The following PITPNM1 variants were observed in gnomAD, a reference collection of about 807,000 sequenced individuals.
The protein encoded by PITPNM1 is membrane-associated phosphatidylinositol transfer protein 1.
Under a neutral mutation model 133.3 loss-of-function variants are expected in PITPNM1, and 74 were observed. That is an observed-to-expected ratio of 0.56 (90% CI 0.46 to 0.67). PITPNM1 has a LOEUF of 0.67. Ranked by LOEUF, PITPNM1 falls within the 30% of genes least tolerant of loss-of-function variation. PITPNM1 has a pLI of 0.00. For missense variants in PITPNM1, 1,398 were observed against 1,739.5 expected (o/e 0.80, Z 3.49); for synonymous variants, 738 against 741.4 (o/e 1.00, Z 0.08).
In PITPNM1 at chr11:67,494,836, G is replaced by A. The variant is rs746724094; in HGVS notation, c.2742+10C>T. The A allele has an allele frequency of 2.4e-5, 39 of 1,601,662 alleles. No homozygotes were observed. The highest frequency in any genetic ancestry group is 3.2e-5 in the Non-Finnish European group (38 of 1,170,386). On this transcript the variant is annotated intron_variant, in intron 18 of 23. Transcript: ENST00000356404. ...CGAGTGGGCGAGGGGGCGAGGGGCA[G>A]GGCACCTACCCGGATCTTGACCTGC...
chr11:67,502,824 C>T lies in PITPNM1; in HGVS notation c.79-106G>A. ...ACAGCTCTGGGGCCCTGGTCCCAGC[C>T]TTTTCAACTCCCTGAAACCAGACCC... On this transcript the variant is annotated intron_variant, in intron 2 of 23. Transcript: ENST00000356404. This position sits in a 1 kb window ranked among gnomAD's most constrained non-coding sequence, Gnocchi z 5.9. The T allele has an allele frequency of 1.8e-6, 2 of 1,107,718 alleles. No individual in the cohort carries two copies. The highest frequency in any genetic ancestry group is 2.6e-6 in the Non-Finnish European group (2 of 768,214). The allele number at this position is 1,107,718 out of a possible 1,614,324, so 68.6% of individuals were successfully genotyped here. A position where few individuals can be genotyped will look rare whatever the true frequency, so the allele number is the denominator to read the frequency against.
chr11:67,493,696 G>A lies in PITPNM1; in HGVS notation c.3150C>T (p.Asp1050=), dbSNP rs371794559. 1.9e-6 allele frequency: 3 copies of A among 1,546,430 alleles called. No homozygotes were observed. The highest frequency in any genetic ancestry group is 2.6e-6 in the Non-Finnish European group (3 of 1,146,896). Reference sequence around the variant, plus strand: ...GCAGTGGCAACTCCTACCTGACCACGTCCACGGCGCCAGCTCGCACCTTGG... The same window carrying A: ...GCAGTGGCAACTCCTACCTGACCACATCCACGGCGCCAGCTCGCACCTTGG... ...SDPKVRAGAV[D]VVRHWQDSGY... is the part of the protein sequence containing the mutation. The change falls in exon 21 of 24, where the codon GAC becomes GAT. Residue 1050 remains aspartate, a synonymous_variant. Coordinates refer to ENST00000356404, the MANE Select transcript of PITPNM1 (RefSeq NM_004910.3).
chr11:67,501,300 C>A (rs1386254042), intron 5 of PITPNM1, among the ~76,000 whole-genome samples: 1 of 152,220 alleles, frequency 6.6e-6, no homozygotes, highest in African/African-American at 2.4e-5. Context: ...AGTAGTGGGA[C>A]AGAAGCCAGG....
At position 67,494,958 on chromosome 11, in the gene PITPNM1, T is replaced by C. The variant is rs1283535919; in HGVS notation, c.2632-2A>G. ...CTGTGGCCGCTCCTTCTCGATCACC[T>C]GCACGGGACAGGGGGCGAGGCCTCT... On this transcript the variant is annotated splice_acceptor_variant, in intron 17 of 23. Transcript: ENST00000356404. LOFTEE classifies it high-confidence loss of function. The C allele has an allele frequency of 4.3e-6, 7 of 1,612,020 alleles. No individual in the cohort carries two copies. Among genetic ancestry groups the C allele is most frequent in the Non-Finnish European group, 5.1e-6 (6 of 1,179,510 alleles).
rs755279881 is a variant in PITPNM1 at position 67,495,469 on chromosome 11, G to T, written c.2451C>A (p.Ala817=). The T allele has an allele frequency of 6.5e-7, 1 of 1,548,016 alleles. No individual in the cohort carries two copies. ...CCACCTCACTGGTGGTGCTGGGGGC[G>T]GCTGGCTGGGCCGGGGGGTCAGTGG... is the stretch of plus-strand genomic sequence containing the variant. ...ELATDPPAQP[A]APSTTSEVVK... is the part of the protein sequence containing the mutation. Residue 817 remains alanine, a synonymous_variant, in exon 16 of 24, where the codon GCC becomes GCA. Transcript: ENST00000356404.
chr11:67,499,110 A>G (rs1866230977), intron 8 of PITPNM1, 109 bp from the exon 9 acceptor site: 1 of 1,072,448 alleles, frequency 9.3e-7, no homozygotes, highest in Non-Finnish European at 1.3e-6. Context: ...CCCAGTCCCT[A>G]CCTTCCTCCA....
chr11:67,503,310 T>C (rs1026876242), intron 2 of PITPNM1, among the ~76,000 whole-genome samples: 1 of 152,150 alleles, frequency 6.6e-6, no homozygotes, highest in East Asian at 1.9e-4. Flanking sequence ...CTGGATGTGC[T>C]GGCAGGTGGC....
At position 67,504,041 on chromosome 11, in the gene PITPNM1, G is replaced by A; in HGVS notation, c.78+62C>T. 1 of 1,349,584 alleles carries A rather than the reference G, an allele frequency of 7.4e-7. No individual in the cohort carries two copies. Among genetic ancestry groups the A allele is most frequent in the Non-Finnish European group, 1.0e-6 (1 of 982,606 alleles). 83.6% of individuals were successfully genotyped at this position (1,349,584 alleles called of 1,614,324 possible). A position where few individuals can be genotyped will look rare whatever the true frequency, so the allele number is the denominator to read the frequency against. On this transcript the variant is annotated intron_variant, in intron 2 of 23. Coordinates refer to ENST00000356404, the MANE Select transcript of PITPNM1 (RefSeq NM_004910.3). The surrounding 1 kb of genome is among the most constrained non-coding windows in gnomAD (Gnocchi z 5.4). ...CCCAGCCGGTCCCAGCCCCGGGGCA[G>A]GGCTGGCGGGGTCGGCAGGGCTCCA...
At chr11:67,497,816 G>C in intron 12 of PITPNM1, 101 bp downstream of exon 12, 1 of 1,439,228 alleles carries the variant, frequency 6.9e-7, no homozygotes, top group Non-Finnish European at 9.6e-7. Flanking sequence ...GGGCAGCAGG[G>C]GGCCTGCCTG....
rs201959831 is a variant in PITPNM1 at position 67,500,226 on chromosome 11, C to T, written c.836G>A (p.Arg279Gln). 3.1e-5 allele frequency: 50 copies of T among 1,604,432 alleles called. No homozygotes were observed. The East Asian group carries it at 3.1e-4, about 10-fold the overall frequency. ...QPPGKPSTEA[R>Q]SAASNTGTPD... ...GGTGCCAGTGTTGCTGGCCGCAGAC[C>T]GGGCCTCGGTGCTCGGTTTCCCGGG... is the stretch of plus-strand genomic sequence containing the variant. Residue 279 changes from arginine to glutamine, a missense_variant, in exon 6 of 24, where the codon CGG (arginine) becomes CAG (glutamine). Physicochemically the swap from Arg to Gln is conservative, Grantham distance 43. Around this residue, in one of 5 missense-constraint regions of PITPNM1, gnomAD observed 195 missense variants for 178.8 expected, o/e 1.09. Coordinates refer to ENST00000356404, the MANE Select transcript of PITPNM1 (RefSeq NM_004910.3).
Position 67,499,900 on chromosome 11 carries a change from G to A in PITPNM1, c.1063+14C>T, listed in dbSNP as rs2134313060. The A allele has an allele frequency of 6.2e-7, 1 of 1,607,294 alleles. No homozygotes were observed. The highest frequency in any genetic ancestry group is 2.2e-5 in the East Asian group (1 of 44,600). ...GGGGACATCCCCACTCCCAAAAAGGGCCTCAGTGCTGACCGTGGGCATCAA... is the reference window on the plus strand; with the variant it reads ...GGGGACATCCCCACTCCCAAAAAGGACCTCAGTGCTGACCGTGGGCATCAA... On this transcript the variant is annotated intron_variant, in intron 7 of 23. Coordinates refer to ENST00000356404, the MANE Select transcript of PITPNM1 (RefSeq NM_004910.3).
intron 16 of PITPNM1, 35 bp downstream of exon 16, chr11:67,495,403 C>T: frequency 1.4e-6 from 2 of 1,467,218 alleles, no homozygotes; most frequent in Non-Finnish European, 1.8e-6. Flanking sequence ...GCCTCCCCCA[C>T]CCCCAGGCTG....
rs1243649729 is a variant in PITPNM1 at position 67,498,499 on chromosome 11, G to A, written c.1484+97C>T. Reference sequence around the variant, plus strand: ...AACAGGTCCAGCCATGCCAGTGACCGACCCAGGTGTCTGGCTTCCTGACCC... The same window carrying A: ...AACAGGTCCAGCCATGCCAGTGACCAACCCAGGTGTCTGGCTTCCTGACCC... On this transcript the variant is annotated intron_variant, in intron 10 of 23. Coordinates refer to ENST00000356404, the MANE Select transcript of PITPNM1 (RefSeq NM_004910.3). This position sits in a 1 kb window ranked among gnomAD's most constrained non-coding sequence, Gnocchi z 5.7. The A allele has an allele frequency of 4.0e-6, 6 of 1,516,284 alleles. No individual in the cohort carries two copies. The highest frequency in any genetic ancestry group is 2.4e-4 in the Middle Eastern group (1 of 4,170). 93.9% of individuals were successfully genotyped at this position (1,516,284 alleles called of 1,614,324 possible). A position where few individuals can be genotyped will look rare whatever the true frequency, so the allele number is the denominator to read the frequency against.
intron 23 of PITPNM1, 142 bp from the exon 24 acceptor site, chr11:67,492,438 G>A (rs1313638798): frequency 1.2e-6 from 1 of 833,580 alleles, no homozygotes; most frequent in Non-Finnish European, 1.8e-6. Flanking sequence ...CTTCTCAATA[G>A]ATAGGACCCC....
Position 67,493,725 on chromosome 11 carries a change from C to T in PITPNM1, c.3121G>A (p.Asp1041Asn). 3 of 1,547,806 alleles carry T rather than the reference C, an allele frequency of 1.9e-6. No homozygotes were observed. The highest frequency in any genetic ancestry group is 1.7e-6 in the Non-Finnish European group (2 of 1,147,074). ...ACGGCGCCAGCTCGCACCTTGGGGT[C>T]GCTGCCCATGATGGAGACGCTGGCG... ...FTASVSIMGSDPKVRAGAVDV... is the reference protein window; with the variant it reads ...FTASVSIMGSNPKVRAGAVDV... Residue 1041 changes from aspartate to asparagine, a missense_variant, in exon 21 of 24, where the codon GAC becomes AAC. Coordinates refer to ENST00000356404, the MANE Select transcript of PITPNM1 (RefSeq NM_004910.3).
In PITPNM1 at chr11:67,500,123, G is replaced by T; in HGVS notation, c.939C>A (p.Ser313=). The T allele has an allele frequency of 6.3e-7, 1 of 1,592,334 alleles. No homozygotes were observed. ...ASFGKQWSSS[S]RSSYSSQHGG... ...CATGTTGGGATGAGTAGGAGGAACG[G>T]GAGGATGAGGACCACTGCTTCCCAA... Residue 313 remains serine, a synonymous_variant, in exon 6 of 24, where the codon TCC becomes TCA. Coordinates refer to ENST00000356404, the MANE Select transcript of PITPNM1 (RefSeq NM_004910.3).
chr11:67,492,955 C>T lies in PITPNM1; in HGVS notation c.3450G>A (p.Arg1150=). The T allele has an allele frequency of 6.2e-7, 1 of 1,612,876 alleles. No individual in the cohort carries two copies. The highest frequency in any genetic ancestry group is 1.1e-5 in the South Asian group (1 of 91,080). Residue 1150 remains arginine (R), a synonymous_variant, in exon 23 of 24, where the codon CGG becomes CGA. Coordinates refer to ENST00000356404, the MANE Select transcript of PITPNM1 (RefSeq NM_004910.3). Reference sequence around the variant, plus strand: ...TCACCTGGCACTGCGCCTGTAGCTTCCGCACGGCACGGCCCACGATGTAGG... The same window carrying T: ...TCACCTGGCACTGCGCCTGTAGCTTTCGCACGGCACGGCCCACGATGTAGG... ...SQTYIVGRAV[R]KLQAQCQFLS...
At chr11:67,492,583 C>T (rs191850775) in intron 23 of PITPNM1, among the ~76,000 whole-genome samples, 1 of 152,396 alleles carries the variant, frequency 6.6e-6, no homozygotes, top group East Asian at 1.9e-4. Context: ...GCTTTGTGCC[C>T]AGCCCTGTGC....
At position 67,498,426 on chromosome 11, in the gene PITPNM1, T is replaced by C; in HGVS notation, c.1485-104A>G. ...AGGCCCTGGCTCTGTGGGTCCTCTGTGGGGAGCGTTAGCCCCAAGAGGCAA... is the reference window on the plus strand; with the variant it reads ...AGGCCCTGGCTCTGTGGGTCCTCTGCGGGGAGCGTTAGCCCCAAGAGGCAA... On this transcript the variant is annotated intron_variant, in intron 10 of 23. Coordinates refer to ENST00000356404, the MANE Select transcript of PITPNM1 (RefSeq NM_004910.3). The surrounding 1 kb of genome is among the most constrained non-coding windows in gnomAD (Gnocchi z 5.7). 7.2e-7 allele frequency: 1 copy of C among 1,390,570 alleles called. No individual in the cohort carries two copies. Among genetic ancestry groups the C allele is most frequent in the South Asian group, 1.4e-5 (1 of 71,576 alleles). The allele number at this position is 1,390,570 out of a possible 1,614,324, so 86.1% of individuals were successfully genotyped here.
Sources: gnomAD v4.1 joint callset for allele counts (sites outside exome capture counted in the v4.1 genomes callset) on GRCh38, gnomAD v4.1.1 for gene constraint, gnomAD v4.1.1 regional missense constraint, Gnocchi (gnomAD v3.1) non-coding constraint, MANE v1.5 for transcripts, NCBI Gene and HGNC (gene_info 2026-07-23, HGNC 2026-07-21) for gene names.